Variants in SDK1 observed in about 807,000 individuals in gnomAD.
SDK1 encodes protein sidekick-1.
SDK1 carries 157 observed loss-of-function variants against 245.5 expected under a neutral mutation model. The observed-to-expected ratio is 0.64, with a 90% CI of 0.56 to 0.73. The LOEUF (loss-of-function observed/expected upper bound fraction) is 0.73, where lower values mean the gene tolerates loss of function less well. Among genes scored for constraint, SDK1 ranks in the 30% least tolerant of loss-of-function variants. The pLI, the probability that SDK1 is intolerant of heterozygous loss-of-function variation, is 0.00. For synonymous variants in SDK1, 1,647 were observed against 1,278.5 expected, an observed-to-expected ratio of 1.29 and a Z score of -6.15; for missense variants, 3,583 against 3,002.3, an observed-to-expected ratio of 1.19 and a Z score of -4.52.
intron 1 of SDK1, among the ~76,000 whole-genome samples, chr7:3,584,081 C>T (rs1033041579): frequency 2.6e-5 from 4 of 152,080 alleles, no homozygotes; most frequent in African/African-American, 7.2e-5. Context: ...GGAAAGACAT[C>T]GATTTGAATA....
intron 38 of SDK1, among the ~76,000 whole-genome samples, chr7:4,216,516 C>G (rs1398649462): frequency 6.6e-6 from 1 of 152,264 alleles, no homozygotes; most frequent in African/African-American, 2.4e-5. Flanking sequence ...AAAGCGGTAA[C>G]TGGACCTCCA....
At chr7:3,848,691 GAC>G (rs1252266587) in intron 5 of SDK1, among the ~76,000 whole-genome samples, 1 of 150,574 alleles carries the variant, frequency 6.6e-6, no homozygotes, top group Non-Finnish European at 1.5e-5. Context: ...TTTTTTCTGA[GAC>G]AGTGTATTGC....
At chr7:3,953,388 G>T (rs756853014) in intron 7 of SDK1, among the ~76,000 whole-genome samples, 3 of 152,206 alleles carry the variant, frequency 2.0e-5, no homozygotes, top group African/African-American at 4.8e-5. Context: ...CCGGCTTTGA[G>T]TCACCAATCA....
At chr7:3,913,397 C>A (rs907793941) in intron 5 of SDK1, among the ~76,000 whole-genome samples, 1 of 151,804 alleles carries the variant, frequency 6.6e-6, no homozygotes, top group Non-Finnish European at 1.5e-5. Flanking sequence ...AGGTTCACGC[C>A]ATTCTCCTGC....
chr7:4,051,736 G>T lies in SDK1; in HGVS notation c.2817G>T (p.Lys939Asn). 6.2e-7 allele frequency: 1 copy of T among 1,614,016 alleles called. No individual in the cohort carries two copies. Among genetic ancestry groups the T allele is most frequent in the Non-Finnish European group, 8.5e-7 (1 of 1,179,976 alleles). ...GVHHGHITNLKKFTAYFTSVL... is the reference protein window; with the variant it reads ...GVHHGHITNLNKFTAYFTSVL... The stretch of plus-strand genomic sequence containing the variant: ...ACCATGGACACATAACGAACCTGAA[G>T]AAGTTTACCGCCTACTTCACTTCCG... Residue 939 changes from lysine (K) to asparagine (N), a missense_variant, in exon 19 of 45, where the codon AAG becomes AAT. Coordinates refer to ENST00000404826, the MANE Select transcript of SDK1 (RefSeq NM_152744.4).
chr7:4,268,751 C>G lies in SDK1; in HGVS notation c.*3367C>G, dbSNP rs1279938052. 1.5e-6 allele frequency: 2 copies of G among 1,367,696 alleles called. No individual in the cohort carries two copies. The allele number at this position is 1,367,696 out of a possible 1,614,324, so 84.7% of individuals were successfully genotyped here. ...TCCCCGTGGGTCAGCGTCCTGGTAG[C>G]ATGGATCCAGTCTGAAAGGTGAGGA... On this transcript the variant is annotated 3_prime_UTR_variant, in exon 45 of 45. Coordinates refer to ENST00000404826, the MANE Select transcript of SDK1 (RefSeq NM_152744.4).
chr7:4,030,788 A>G (rs1170002863), intron 17 of SDK1, among the ~76,000 whole-genome samples: 1 of 152,128 alleles, frequency 6.6e-6, no homozygotes, highest in Non-Finnish European at 1.5e-5. Context: ...TCTGGCAATT[A>G]TCACTTATAT....
chr7:4,131,398 T>G (rs188408050), intron 27 of SDK1, among the ~76,000 whole-genome samples: 1 of 152,336 alleles, frequency 6.6e-6, no homozygotes, highest in African/African-American at 2.4e-5. Context: ...TTAGTCCTAG[T>G]TGGGAGCCTG....
intron 5 of SDK1, among the ~76,000 whole-genome samples, chr7:3,871,902 A>G (rs888774453): frequency 6.6e-6 from 1 of 152,202 alleles, no homozygotes; most frequent in African/African-American, 2.4e-5. Context: ...GGAAAAAGCC[A>G]TTATCTTTTA....
chr7:3,918,545 T>G (rs1779468772), intron 5 of SDK1, among the ~76,000 whole-genome samples: 1 of 152,238 alleles, frequency 6.6e-6, no homozygotes, highest in Non-Finnish European at 1.5e-5. Flanking sequence ...CTCCCACTGA[T>G]TCTACGTGAT....
chr7:3,950,890 G>A (rs374971958), intron 5 of SDK1, 33 bp from the exon 6 acceptor site: 1 of 1,568,528 alleles, frequency 6.4e-7, no homozygotes, highest in Non-Finnish European at 8.8e-7. Context: ...TGTACTTAGA[G>A]TTTCATGGAC....
At position 3,434,371 on chromosome 7, in the gene SDK1, G is replaced by T. The variant is rs1043438912; in HGVS notation, c.298+132487G>T. 3.9e-5 allele frequency among the ~76,000 whole-genome samples: 6 copies of T among 152,260 alleles called. No individual in the cohort carries two copies. In the South Asian group the frequency reaches 1.0e-3, roughly 26 times the overall value. ...TATATGAGGTGGACTTTTTACTTAG[G>T]TGTCCTCCCTGTTGTTTTGAGGCTA... On this transcript the variant is annotated intron_variant, in intron 1 of 44. Transcript: ENST00000404826.
chr7:3,569,514 C>T (rs939988739), intron 1 of SDK1, among the ~76,000 whole-genome samples: 2 of 152,262 alleles, frequency 1.3e-5, no homozygotes, highest in Non-Finnish European at 2.9e-5. Flanking sequence ...TTCACGGCCC[C>T]TCAGGCCTGG....
chr7:3,894,789 C>T (rs140670398), intron 5 of SDK1, among the ~76,000 whole-genome samples: 1 of 150,946 alleles, frequency 6.6e-6, no homozygotes, highest in East Asian at 2.0e-4. Flanking sequence ...ACCTCTGCCT[C>T]CCAAGTTTAA....
At chr7:3,746,606 C>T (rs570948524) in intron 4 of SDK1, among the ~76,000 whole-genome samples, 2 of 152,306 alleles carry the variant, frequency 1.3e-5, no homozygotes, top group African/African-American at 4.8e-5. Context: ...GTTCAGAGTG[C>T]CTCCACCAGG....
intron 4 of SDK1, among the ~76,000 whole-genome samples, chr7:3,730,638 T>G (rs937222859): frequency 3.9e-5 from 6 of 152,050 alleles, no homozygotes; most frequent in African/African-American, 1.4e-4. Context: ...AAGCCAGTGG[T>G]GTGTGAGTTG....
chr7:4,141,678 C>A, intron 28 of SDK1, among the ~76,000 whole-genome samples: 1 of 152,190 alleles, frequency 6.6e-6, no homozygotes, highest in Middle Eastern at 3.2e-3. Context: ...GGGGAAGGCC[C>A]TCGTTAGTCG....
intron 42 of SDK1, among the ~76,000 whole-genome samples, chr7:4,239,129 G>T (rs956812980): frequency 3.3e-5 from 5 of 152,218 alleles, no homozygotes; most frequent in African/African-American, 4.8e-5. Context: ...CAAGCATTCA[G>T]TCAATAAGCA....
In SDK1 at chr7:4,106,603, G is replaced by A. The variant is rs549999094; in HGVS notation, c.3325-4060G>A. 1.3e-4 allele frequency among the ~76,000 whole-genome samples: 20 copies of A among 152,230 alleles called. No individual in the cohort carries two copies. In the East Asian group the frequency reaches 2.1e-3, roughly 16 times the overall value. On this transcript the variant is annotated intron_variant, in intron 22 of 44. Coordinates refer to ENST00000404826, the MANE Select transcript of SDK1 (RefSeq NM_152744.4). Reference sequence around the variant, plus strand: ...GAGCCACCGCGCCCGGCCAGCCCCCGTTTGTGACCGTGCAGTGGTTTCCCA... The same window carrying A: ...GAGCCACCGCGCCCGGCCAGCCCCCATTTGTGACCGTGCAGTGGTTTCCCA...
Sources: allele counts gnomAD v4.1 joint callset (sites outside exome capture counted in the v4.1 genomes callset), GRCh38; gene constraint gnomAD v4.1.1; transcripts MANE v1.5; gene names NCBI Gene and HGNC (gene_info 2026-07-23, HGNC 2026-07-21).